The following SLC38A1 variants were observed in gnomAD, a reference collection of about 807,000 sequenced individuals.
SLC38A1 encodes the protein sodium-coupled neutral amino acid symporter 1.
In SLC38A1, 18 loss-of-function variants were observed where a neutral mutation model predicts 60.3. That is an observed-to-expected ratio of 0.30 (90% CI 0.21 to 0.44). The LOEUF is 0.44. Among genes scored for constraint, SLC38A1 ranks in the 20% least tolerant of loss-of-function variants. The pLI is 1.00. For synonymous variants in SLC38A1, 196 were observed against 212.1 expected, an observed-to-expected ratio of 0.92 and a Z score of 0.66; for missense variants, 448 against 587.2, an observed-to-expected ratio of 0.76 and a Z score of 2.45.
In SLC38A1 at chr12:46,183,855, C is replaced by A. The variant is rs975371982; in HGVS notation, c.*5115G>T. ...AGTTTACATTGAGAGAACTATGTTACCTGGGAGAGAATGTAAATTTTTCTA... is the reference window on the plus strand; with the variant it reads ...AGTTTACATTGAGAGAACTATGTTAACTGGGAGAGAATGTAAATTTTTCTA... On this transcript the variant is annotated 3_prime_UTR_variant, in exon 17 of 17. Coordinates refer to ENST00000398637, the MANE Select transcript of SLC38A1 (RefSeq NM_030674.4). 6 of 152,240 alleles carry A rather than the reference C, an allele frequency of 3.9e-5. No individual in the cohort carries two copies. Among genetic ancestry groups the A allele is most frequent in the Admixed American group, 3.9e-4 (6 of 15,264 alleles). The allele number at this position is 152,240 out of a possible 1,614,324, so 9.4% of individuals were successfully genotyped here.
intron 1 of SLC38A1, among the ~76,000 whole-genome samples, chr12:46,251,316 C>T (rs148220809): frequency 0.02 from 3,096 of 152,298 alleles, 54 homozygotes; most frequent in Non-Finnish European, 0.034. Context: ...AACTGGATCC[C>T]TTCTTGACAC....
At chr12:46,245,592 T>C (rs1941588587) in intron 1 of SLC38A1, among the ~76,000 whole-genome samples, 1 of 152,220 alleles carries the variant, frequency 6.6e-6, no homozygotes, top group Non-Finnish European at 1.5e-5. Flanking sequence ...TACTGTTTCA[T>C]ATGACACAGT....
Position 46,241,464 on chromosome 12 carries a change from C to T in SLC38A1, c.-93-1571G>A, listed in dbSNP as rs145159910. On this transcript the variant is annotated intron_variant, in intron 2 of 16. Transcript: ENST00000398637. ...CCTGGTTTCAGGATCCTGTAATGTGCCATAATATACACATGTTTATAACAT... is the reference window on the plus strand; with the variant it reads ...CCTGGTTTCAGGATCCTGTAATGTGTCATAATATACACATGTTTATAACAT... Among the ~76,000 whole-genome samples the T allele has an allele frequency of 2.0e-5, 3 of 152,204 alleles. No homozygotes were observed. The East Asian group carries it at 5.8e-4, about 29-fold the overall frequency.
At chr12:46,256,636 C>CACACACACACACACACACAG (rs142176282) in intron 1 of SLC38A1, among the ~76,000 whole-genome samples, 8 of 123,202 alleles carry the variant, frequency 6.5e-5, no homozygotes, top group African/African-American at 2.4e-4. Flanking sequence ...CACACACACA[C>CACACACACACACACACACAG]AGAGAGAGAG....
rs562786779 is a variant in SLC38A1, at chr12:46,221,122, T to C, written c.314+8031A>G. ...TAACTGATTTGTTTGTAAACATGGATCATAGACAATACAATGGTGCATAGT... is the reference window on the plus strand; with the variant it reads ...TAACTGATTTGTTTGTAAACATGGACCATAGACAATACAATGGTGCATAGT... On this transcript the variant is annotated intron_variant, in intron 5 of 16. Transcript: ENST00000398637. 3.9e-5 allele frequency among the ~76,000 whole-genome samples: 6 copies of C among 152,246 alleles called. No homozygotes were observed. The East Asian group carries it at 1.2e-3, about 29-fold the overall frequency.
At chr12:46,213,561 T>C (rs1427723227) in intron 5 of SLC38A1, among the ~76,000 whole-genome samples, 4 of 152,226 alleles carry the variant, frequency 2.6e-5, no homozygotes, top group Non-Finnish European at 4.4e-5. Flanking sequence ...AGCCTGGAAG[T>C]CGACCTTATC....
At chr12:46,190,255 A>C (rs1302282706) in intron 16 of SLC38A1, among the ~76,000 whole-genome samples, 1 of 152,174 alleles carries the variant, frequency 6.6e-6, no homozygotes, top group Non-Finnish European at 1.5e-5. Flanking sequence ...TGTCCCTGCA[A>C]AGGACATGAA....
intron 5 of SLC38A1, among the ~76,000 whole-genome samples, chr12:46,228,050 G>T (rs937265467): frequency 3.3e-5 from 5 of 152,150 alleles, no homozygotes; most frequent in African/African-American, 9.7e-5. Context: ...AGGCAACTTA[G>T]AAAGATGCAT....
chr12:46,225,628 T>A (rs1940833893), intron 5 of SLC38A1, among the ~76,000 whole-genome samples: 1 of 152,054 alleles, frequency 6.6e-6, no homozygotes, highest in African/African-American at 2.4e-5. Context: ...ACCCTGGTGG[T>A]TCCCAAGTAA....
intron 16 of SLC38A1, 120 bp from the exon 17 acceptor site, chr12:46,189,191 G>A (rs1245732798): frequency 4.5e-6 from 3 of 667,758 alleles, no homozygotes; most frequent in Non-Finnish European, 8.0e-6. Context: ...TTCAGAGTTT[G>A]TCACAACCAT....
chr12:46,211,226 C>A (rs780828375), intron 5 of SLC38A1, among the ~76,000 whole-genome samples: 2 of 152,180 alleles, frequency 1.3e-5, no homozygotes, highest in African/African-American at 4.8e-5. Context: ...AGAGCACAGG[C>A]TTCCTAGTGG....
chr12:46,264,645 A>G (rs1158182161), intron 1 of SLC38A1, among the ~76,000 whole-genome samples: 2 of 152,056 alleles, frequency 1.3e-5, no homozygotes, highest in African/African-American at 2.4e-5. Context: ...ATTTTGGGGT[A>G]TCAGTGATTT....
At chr12:46,265,887 T>A (rs972892773) in intron 1 of SLC38A1, among the ~76,000 whole-genome samples, 4 of 152,138 alleles carry the variant, frequency 2.6e-5, no homozygotes, top group African/African-American at 9.7e-5. Context: ...CACCTCTATA[T>A]CTGTTTCATA....
At chr12:46,200,402 C>T (rs911713273) in intron 13 of SLC38A1, among the ~76,000 whole-genome samples, 1 of 151,208 alleles carries the variant, frequency 6.6e-6, no homozygotes, top group African/African-American at 2.4e-5. Context: ...CATATATATA[C>T]ACATATATAT....
At chr12:46,195,893 AC>A (rs1371934888) in intron 16 of SLC38A1, 1 of 372,766 alleles carries the variant, frequency 2.7e-6, no homozygotes, top group Non-Finnish European at 5.2e-6. Context: ...AAATCCCCTG[AC>A]CCCTTGTGCT....
In SLC38A1 at chr12:46,268,375, C is replaced by T. The variant is rs1942431365; in HGVS notation, c.-209+151G>A. Among the ~76,000 whole-genome samples the T allele has an allele frequency of 6.6e-6, 1 of 152,198 alleles. No homozygotes were observed. The highest frequency in any genetic ancestry group is 6.5e-5 in the Admixed American group (1 of 15,286). ...CACAGGAGACCTGGACTTTTCCTCT[C>T]CTAAAAGCAACATCCGAAAGCATCG... On this transcript the variant is annotated intron_variant, in intron 1 of 16. Coordinates refer to ENST00000398637, the MANE Select transcript of SLC38A1 (RefSeq NM_030674.4). This position sits in a 1 kb window ranked among gnomAD's most constrained non-coding sequence, Gnocchi z 4.4.
chr12:46,264,341 G>C (rs546022161), intron 1 of SLC38A1, among the ~76,000 whole-genome samples: 1 of 152,270 alleles, frequency 6.6e-6, no homozygotes, highest in East Asian at 1.9e-4. Flanking sequence ...TGTGAAATGA[G>C]TTGCTCAAGG....
At chr12:46,198,158 A>G (rs1418827520) in intron 14 of SLC38A1, 98 bp from the exon 15 acceptor site, 1 of 1,342,796 alleles carries the variant, frequency 7.4e-7, no homozygotes, top group Non-Finnish European at 1.0e-6. Context: ...ACAGGAATTC[A>G]TGAAATGTTT....
rs137980882 is a variant in SLC38A1, at chr12:46,249,058, A to C, written c.-208-5744T>G. On this transcript the variant is annotated intron_variant, in intron 1 of 16. Transcript: ENST00000398637. ...GTAGTCCCAGCTACTTGGGAGGCTC[A>C]GGCAGGAGAATCGCTTGAACCTGGG... is the stretch of plus-strand genomic sequence containing the variant. Among the ~76,000 whole-genome samples the C allele has an allele frequency of 2.3e-3, 350 of 151,130 alleles. 7 individuals are homozygous for C. The East Asian group carries it at 0.06, about 26-fold the overall frequency.
Sources: gnomAD v4.1 joint callset for allele counts (sites outside exome capture counted in the v4.1 genomes callset) on GRCh38, gnomAD v4.1.1 for gene constraint, Gnocchi (gnomAD v3.1) non-coding constraint, MANE v1.5 for transcripts, NCBI Gene and HGNC (gene_info 2026-07-23, HGNC 2026-07-21) for gene names.